The following LRIT3 variants were observed in gnomAD, a reference collection of about 807,000 sequenced individuals.
LRIT3 encodes leucine-rich repeat, immunoglobulin-like domain and transmembrane domain-containing protein 3.
LRIT3 carries 14 observed loss-of-function variants against 22.6 expected under a neutral mutation model. That is an observed-to-expected ratio of 0.62 (90% CI 0.41 to 0.97). The LOEUF (loss-of-function observed/expected upper bound fraction) is 0.97, where lower values mean the gene tolerates loss of function less well. LRIT3 is among the 50% of genes least tolerant of loss of function. LRIT3 has a pLI of 0.00. For synonymous variants in LRIT3, 306 were observed against 304.5 expected (o/e 1.01, Z -0.05); for missense variants, 783 against 803.0 (o/e 0.98, Z 0.30).
At chr4:109,849,431 GAA>G (rs945047202) in intron 1 of LRIT3, among the ~76,000 whole-genome samples, 3 of 152,168 alleles carry the variant, frequency 2.0e-5, no homozygotes, top group Non-Finnish European at 4.4e-5. Context: ...GGCCTGGCAA[GAA>G]ATAATCTAGT....
Position 109,870,297 on chromosome 4 carries a change from T to G in LRIT3, c.1548T>G (p.Thr516=). 1 of 1,614,024 alleles carries G rather than the reference T, an allele frequency of 6.2e-7. No homozygotes were observed. Among genetic ancestry groups the G allele is most frequent in the Non-Finnish European group, 8.5e-7 (1 of 1,180,016 alleles). The change falls in exon 4 of 4, where the codon ACT becomes ACG. Residue 516 remains threonine, a synonymous_variant. Transcript: ENST00000594814. ...MINTTHNSAV[T]VLYSKYGGKD... ...ACACCACACATAACTCTGCAGTGAC[T>G]GTGTTGTATTCCAAGTATGGTGGGA...
At position 109,870,219 on chromosome 4, in the gene LRIT3, C is replaced by T; in HGVS notation, c.1470C>T (p.Leu490=). The T allele has an allele frequency of 6.2e-7, 1 of 1,614,186 alleles. No homozygotes were observed. Residue 490 remains leucine (L), a synonymous_variant, in exon 4 of 4, where the codon CTC becomes CTT. Transcript: ENST00000594814. The part of the protein sequence containing the change: ...LTETNAAIEN[L]RVVSETKESV... ...AGACAAATGCCGCAATAGAAAACCTCAGGGTGGTCAGTGAGACTAAAGAGA... is the reference window on the plus strand; with the variant it reads ...AGACAAATGCCGCAATAGAAAACCTTAGGGTGGTCAGTGAGACTAAAGAGA...
intron 2 of LRIT3, among the ~76,000 whole-genome samples, chr4:109,866,838 T>C (rs1302103357): frequency 6.6e-6 from 1 of 152,212 alleles, no homozygotes; most frequent in Non-Finnish European, 1.5e-5. Context: ...TGAGACATCC[T>C]GAAGATGCTT....
At position 109,859,429 on chromosome 4, in the gene LRIT3, A is replaced by G. The variant is rs537787692; in HGVS notation, c.589+7453A>G. On this transcript the variant is annotated intron_variant, in intron 2 of 3. Transcript: ENST00000594814. ...ATCAGTAATTTCTAACAGAGCCTTA[A>G]AACAGAAACACAGTCTTTTCATAAC... Among the ~76,000 whole-genome samples the G allele has an allele frequency of 2.0e-5, 3 of 152,302 alleles. No homozygotes were observed. In the South Asian group the frequency reaches 6.2e-4, roughly 32 times the overall value.
intron 2 of LRIT3, among the ~76,000 whole-genome samples, chr4:109,858,256 G>A (rs7668395): frequency 0.018 from 2,700 of 152,202 alleles, 77 homozygotes; most frequent in African/African-American, 0.061. Context: ...AGTGACAGAG[G>A]GTAGAAGGAG....
intron 1 of LRIT3, among the ~76,000 whole-genome samples, chr4:109,850,422 C>CTTTCT (rs1553922077): frequency 7.3e-5 from 4 of 55,108 alleles, no homozygotes; most frequent in African/African-American, 7.6e-5. Flanking sequence ...TTCCTTCCTT[C>CTTTCT]CTTTCTTTCT....
intron 2 of LRIT3, chr4:109,864,978 A>G (rs1734640915): frequency 1.0e-6 from 1 of 983,054 alleles, no homozygotes; most frequent in Non-Finnish European, 1.4e-6. Context: ...TAGCACCTCA[A>G]TCAATAGAGA....
rs542192263 is a variant in LRIT3, at chr4:109,849,309, G to C, written c.116+992G>C. Reference sequence around the variant, plus strand: ...GTTAAAGACCTACTTGTCCAGGGACGTGTAGCAGTGAAGGATCAGGCCAGG... The same window carrying C: ...GTTAAAGACCTACTTGTCCAGGGACCTGTAGCAGTGAAGGATCAGGCCAGG... On this transcript the variant is annotated intron_variant, in intron 1 of 3. Coordinates refer to ENST00000594814, the MANE Select transcript of LRIT3 (RefSeq NM_198506.5). Among the ~76,000 whole-genome samples the C allele has an allele frequency of 7.2e-5, 11 of 152,322 alleles. No individual in the cohort carries two copies. The East Asian group carries it at 2.1e-3, about 29-fold the overall frequency.
intron 2 of LRIT3, among the ~76,000 whole-genome samples, chr4:109,862,016 A>C (rs548636883): frequency 6.6e-6 from 1 of 152,280 alleles, no homozygotes; most frequent in Admixed American, 6.5e-5. Context: ...TATGCTTGCA[A>C]ACACGTGTCC....
intron 2 of LRIT3, among the ~76,000 whole-genome samples, chr4:109,854,215 A>G (rs1243598166): frequency 6.6e-6 from 1 of 152,200 alleles, no homozygotes; most frequent in African/African-American, 2.4e-5. Flanking sequence ...CTTCCTATCC[A>G]TGAGCATGGA....
intron 2 of LRIT3, among the ~76,000 whole-genome samples, chr4:109,866,629 C>T (rs566706110): frequency 6.6e-6 from 1 of 152,182 alleles, no homozygotes; most frequent in Admixed American, 6.5e-5. Context: ...TGGAACTATC[C>T]TTAGGTAGAC....
intron 3 of LRIT3, 101 bp from the exon 4 acceptor site, chr4:109,869,544 A>G (rs1734767239): frequency 8.8e-7 from 1 of 1,142,420 alleles, no homozygotes; most frequent in Non-Finnish European, 1.2e-6. Context: ...GGCTTCTGTG[A>G]GAGGATGCAT....
intron 1 of LRIT3, among the ~76,000 whole-genome samples, chr4:109,849,485 T>C (rs1734155806): frequency 6.6e-6 from 1 of 152,256 alleles, no homozygotes; most frequent in East Asian, 1.9e-4. Flanking sequence ...CTAAACTGTA[T>C]GGAGACCAAA....
chr4:109,868,638 A>G (rs78224743), intron 3 of LRIT3, among the ~76,000 whole-genome samples: 4,505 of 151,758 alleles, frequency 0.03, 217 homozygotes, highest in African/African-American at 0.099. Flanking sequence ...AATTACATGG[A>G]CACCTTATTA....
In LRIT3 at chr4:109,870,479, A is replaced by G. The variant is rs750087262; in HGVS notation, c.1730A>G (p.Asp577Gly). 6.2e-6 allele frequency: 10 copies of G among 1,614,214 alleles called. No homozygotes were observed. Among genetic ancestry groups the G allele is most frequent in the Non-Finnish European group, 8.5e-6 (10 of 1,180,030 alleles). The change falls in exon 4 of 4, where the codon GAT (aspartate) becomes GGT (glycine). Residue 577 changes from aspartate to glycine, a missense_variant. By Grantham distance (94) the Asp-to-Gly change is moderately conservative. This residue lies in a region of LRIT3 where 756 missense variants were observed against 753.8 expected (regional missense o/e 1.00). Coordinates refer to ENST00000594814, the MANE Select transcript of LRIT3 (RefSeq NM_198506.5). ...TTTTCTACTGAAAGAGTTGAAGGAGATGATTCTCAATGGTCTCTCCTTCTC... is the reference window on the plus strand; with the variant it reads ...TTTTCTACTGAAAGAGTTGAAGGAGGTGATTCTCAATGGTCTCTCCTTCTC... ...ITFSTERVEG[D>G]DSQWSLLLVV...
At position 109,867,711 on chromosome 4, in the gene LRIT3, C is replaced by T. The variant is rs761469951; in HGVS notation, c.660C>T (p.Asp220=). ...TGATTGAGTTGTCAAAGGTCGTTGACCCTGCTATAGTGCTTCTGGATCCAC... is the reference window on the plus strand; with the variant it reads ...TGATTGAGTTGTCAAAGGTCGTTGATCCTGCTATAGTGCTTCTGGATCCAC... ...SKMIELSKVV[D]PAIVLLDPLM... is the part of the protein sequence containing the mutation. Residue 220 remains aspartate, a synonymous_variant, in exon 3 of 4, where the codon GAC becomes GAT. Transcript: ENST00000594814. The T allele has an allele frequency of 6.2e-7, 1 of 1,614,052 alleles. No individual in the cohort carries two copies. The highest frequency in any genetic ancestry group is 1.3e-5 in the African/African-American group (1 of 74,926).
chr4:109,853,000 G>T (rs889973574), intron 2 of LRIT3, among the ~76,000 whole-genome samples: 2 of 152,114 alleles, frequency 1.3e-5, no homozygotes, highest in African/African-American at 2.4e-5. Context: ...ATGGGCATTT[G>T]GTTCGAAGTC....
chr4:109,865,684 A>G (rs1317131291), intron 2 of LRIT3, among the ~76,000 whole-genome samples: 6 of 152,214 alleles, frequency 3.9e-5, no homozygotes. Context: ...GTTAAAGGTC[A>G]CTATGAATAA....
rs77008209 is a variant in LRIT3 at position 109,851,466 on chromosome 4, A to G, written c.117-38A>G. 3.3e-4 allele frequency: 484 copies of G among 1,476,216 alleles called. 2 individuals carry two copies. In the African/African-American group the frequency reaches 6.1e-3, roughly 19 times the overall value. The allele number at this position is 1,476,216 out of a possible 1,614,324, so 91.4% of individuals were successfully genotyped here. On this transcript the variant is annotated intron_variant, in intron 1 of 3. Coordinates refer to ENST00000594814, the MANE Select transcript of LRIT3 (RefSeq NM_198506.5). ...GTATTTTTTTCAAATGGGTGTTGGA[A>G]AGTGAGTTTCCTCACATTGTTCATG... is the stretch of plus-strand genomic sequence containing the variant.
Sources: gnomAD v4.1 joint callset for allele counts (sites outside exome capture counted in the v4.1 genomes callset) on GRCh38, gnomAD v4.1.1 for gene constraint, gnomAD v4.1.1 regional missense constraint, MANE v1.5 for transcripts, NCBI Gene and HGNC (gene_info 2026-07-23, HGNC 2026-07-21) for gene names.